The following CADPS2 variants were observed in gnomAD, a reference collection of about 807,000 sequenced individuals.
CADPS2 encodes the protein calcium dependent secretion activator 2, also known as calcium-dependent secretion activator 2.
Under a neutral mutation model 172.5 loss-of-function variants are expected in CADPS2, and 93 were observed. The observed-to-expected ratio is 0.54, with a 90% confidence interval of 0.46 to 0.64. The LOEUF (loss-of-function observed/expected upper bound fraction) is 0.64, where lower values mean the gene tolerates loss of function less well. Among genes scored for constraint, CADPS2 ranks in the 30% least tolerant of loss-of-function variants. The pLI, the probability that CADPS2 is intolerant of heterozygous loss-of-function variation, is 0.00. For synonymous variants in CADPS2, 546 were observed against 555.2 expected (o/e 0.98, Z 0.23); for missense variants, 1,420 against 1,565.9 (o/e 0.91, Z 1.57).
chr7:122,518,321 C>T (rs1405684681), intron 8 of CADPS2, among the ~76,000 whole-genome samples: 1 of 151,936 alleles, frequency 6.6e-6, no homozygotes, highest in Admixed American at 6.6e-5. Flanking sequence ...ATAATAACTA[C>T]ATAATGCTGT....
At chr7:122,591,133 C>G (rs1176243791) in intron 6 of CADPS2, among the ~76,000 whole-genome samples, 2 of 152,062 alleles carry the variant, frequency 1.3e-5, no homozygotes, top group Non-Finnish European at 1.5e-5. Flanking sequence ...GCAACTTCAG[C>G]AAACTCTCAG....
At chr7:122,832,266 G>GA (rs1174617983) in intron 1 of CADPS2, among the ~76,000 whole-genome samples, 2 of 130,092 alleles carry the variant, frequency 1.5e-5, no homozygotes, top group African/African-American at 2.9e-5. Flanking sequence ...GTAAAACAGA[G>GA]AAAAAAAACT....
At chr7:122,538,264 G>A (rs1283672983) in intron 8 of CADPS2, among the ~76,000 whole-genome samples, 1 of 150,422 alleles carries the variant, frequency 6.6e-6, no homozygotes, top group African/African-American at 2.4e-5. Flanking sequence ...GAACAGTGAA[G>A]AAAAAAATTA....
At chr7:122,419,708 C>T (rs2048329342) in intron 17 of CADPS2, among the ~76,000 whole-genome samples, 1 of 151,880 alleles carries the variant, frequency 6.6e-6, no homozygotes, top group South Asian at 2.1e-4. Context: ...AAATATTGCA[C>T]TTATATATTG....
chr7:122,645,421 ATG>A (rs1427705520), intron 3 of CADPS2, among the ~76,000 whole-genome samples: 12 of 103,622 alleles, frequency 1.2e-4, no homozygotes, highest in East Asian at 4.6e-4. Flanking sequence ...ACACATGTAT[ATG>A]TGTGTATATA....
chr7:122,702,720 G>C lies in CADPS2; in HGVS notation c.453+34235C>G, dbSNP rs201141220. The C allele has an allele frequency of 6.9e-5, 111 of 1,609,544 alleles. No homozygotes were observed. The highest frequency in any genetic ancestry group is 9.1e-5 in the Non-Finnish European group (107 of 1,177,728). ...AAAAGTCCAGATGAAACAGAACTAT[G>C]CGTCGAAGGGGTAATTCTAAGGAAG... On this transcript the variant is annotated intron_variant, in intron 2 of 29. Transcript: ENST00000449022.
chr7:122,397,185 A>T (rs569021659), intron 20 of CADPS2, among the ~76,000 whole-genome samples: 1 of 152,322 alleles, frequency 6.6e-6, no homozygotes, highest in South Asian at 2.1e-4. Context: ...TCAGTTATGA[A>T]TCTTGACAGC....
At chr7:122,701,598 A>G (rs1588539874) in intron 2 of CADPS2, 3 of 294,882 alleles carry the variant, frequency 1.0e-5, no homozygotes, top group East Asian at 1.2e-4. Context: ...AATAAAAAAT[A>G]AATAAATAAA....
intron 2 of CADPS2, among the ~76,000 whole-genome samples, chr7:122,712,700 A>T (rs1246537650): frequency 6.6e-6 from 1 of 152,120 alleles, no homozygotes; most frequent in Non-Finnish European, 1.5e-5. Flanking sequence ...GGTAGCTTAT[A>T]AGCAGTAGAA....
At chr7:122,717,380 G>A (rs990716103) in intron 2 of CADPS2, among the ~76,000 whole-genome samples, 2 of 152,004 alleles carry the variant, frequency 1.3e-5, no homozygotes, top group African/African-American at 4.8e-5. Flanking sequence ...AATTATTCCT[G>A]CATTTTTCAA....
intron 1 of CADPS2, among the ~76,000 whole-genome samples, chr7:122,860,004 A>G (rs982320441): frequency 6.6e-6 from 1 of 152,160 alleles, no homozygotes. Context: ...AATGACAAAC[A>G]GTCTTAAAAG....
intron 25 of CADPS2, among the ~76,000 whole-genome samples, chr7:122,370,758 G>A (rs1209436384): frequency 1.3e-5 from 2 of 152,106 alleles, no homozygotes; most frequent in African/African-American, 2.4e-5. Context: ...CTTCAAGTAG[G>A]GGGCAGAAGT....
intron 27 of CADPS2, 78 bp downstream of exon 27, chr7:122,360,710 G>A: frequency 7.6e-7 from 1 of 1,311,372 alleles, no homozygotes. Context: ...TTAAAGATTT[G>A]AAATAAACCC....
intron 15 of CADPS2, among the ~76,000 whole-genome samples, chr7:122,443,956 C>G (rs547591611): frequency 6.6e-6 from 1 of 152,152 alleles, no homozygotes; most frequent in Non-Finnish European, 1.5e-5. Context: ...TGACTATAAT[C>G]AAGTTAACTC....
chr7:122,485,126 T>C (rs1363806063), intron 11 of CADPS2, among the ~76,000 whole-genome samples: 1 of 152,184 alleles, frequency 6.6e-6, no homozygotes, highest in Non-Finnish European at 1.5e-5. Context: ...GCCTCCCTAT[T>C]TCCTGACACA....
At chr7:122,840,513 G>A (rs1810135329) in intron 1 of CADPS2, among the ~76,000 whole-genome samples, 1 of 149,034 alleles carries the variant, frequency 6.7e-6, no homozygotes, top group African/African-American at 2.5e-5. Context: ...TAAATAAATT[G>A]TGAATTATTT....
chr7:122,683,518 T>A (rs760869315), intron 2 of CADPS2, among the ~76,000 whole-genome samples: 2 of 152,174 alleles, frequency 1.3e-5, no homozygotes, highest in Non-Finnish European at 2.9e-5. Context: ...AACAATTTTA[T>A]ATATTATGGG....
At chr7:122,704,884 G>A (rs912901003) in intron 2 of CADPS2, among the ~76,000 whole-genome samples, 3 of 151,904 alleles carry the variant, frequency 2.0e-5, no homozygotes, top group African/African-American at 4.8e-5. Context: ...GTACACACCA[G>A]CGTTGCCACT....
At chr7:122,361,868 G>A (rs2040194479) in intron 25 of CADPS2, among the ~76,000 whole-genome samples, 1 of 152,074 alleles carries the variant, frequency 6.6e-6, no homozygotes, top group African/African-American at 2.4e-5. Flanking sequence ...GAGGTCAGGA[G>A]TTCGAGACCA....
Sources: gnomAD v4.1 joint callset for allele counts (sites outside exome capture counted in the v4.1 genomes callset) on GRCh38, gnomAD v4.1.1 for gene constraint, MANE v1.5 for transcripts, NCBI Gene and HGNC (gene_info 2026-07-23, HGNC 2026-07-21) for gene names.